SPTSSA: variants seen among roughly 807,000 people sequenced by gnomAD.
The protein encoded by SPTSSA is serine palmitoyltransferase small subunit A, also known as small subunit of serine palmitoyltransferase A.
A neutral mutation model predicts 9.1 loss-of-function variants in SPTSSA; 8 were observed. That is an observed-to-expected ratio of 0.88 (90% CI 0.51 to 1.58). The LOEUF is 1.58. Ranked by LOEUF, SPTSSA falls within the 40% of genes most tolerant of loss-of-function variation. The probability of loss-of-function intolerance (pLI) is 0.00; values close to 1 mark genes in which losing one functional copy is unlikely to be tolerated. For synonymous variants in SPTSSA, 42 were observed against 37.7 expected, an observed-to-expected ratio of 1.11 and a Z score of -0.41; for missense variants, 100 against 93.8, an observed-to-expected ratio of 1.07 and a Z score of -0.27.
chr14:34,461,063 A>G (rs1161460602), intron 1 of SPTSSA, among the ~76,000 whole-genome samples: 1 of 152,228 alleles, frequency 6.6e-6, no homozygotes, highest in East Asian at 1.9e-4. Context: ...CTGGAATGCA[A>G]CAATGCATTC....
chr14:34,450,612 A>AATC (rs1555314961), intron 1 of SPTSSA, among the ~76,000 whole-genome samples: 6 of 151,988 alleles, frequency 3.9e-5, no homozygotes, highest in Admixed American at 3.9e-4. Context: ...GAGAACAAGA[A>AATC]TAGAATACAA....
At chr14:34,443,189 C>T (rs1368617820) in intron 1 of SPTSSA, among the ~76,000 whole-genome samples, 2 of 24,346 alleles carry the variant, frequency 8.2e-5, no homozygotes, top group Non-Finnish European at 1.3e-4. Flanking sequence ...ATTGAGTTTT[C>T]CTCTAGGGGG....
At position 34,454,215 on chromosome 14, in the gene SPTSSA, A is replaced by G. The variant is rs80038982; in HGVS notation, c.112+7881T>C. Among the ~76,000 whole-genome samples the G allele has an allele frequency of 4.5e-3, 682 of 152,290 alleles. 42 individuals carry two copies. The East Asian group carries it at 0.11, about 26-fold the overall frequency. ...GAAAAAAAAATCTATCTTAGCTCCTATGTGCCATAAATGTTACAACACTCA... is the reference window on the plus strand; with the variant it reads ...GAAAAAAAAATCTATCTTAGCTCCTGTGTGCCATAAATGTTACAACACTCA... On this transcript the variant is annotated intron_variant, in intron 1 of 1. Transcript: ENST00000298130.
At chr14:34,446,212 T>C (rs1328768586) in intron 1 of SPTSSA, among the ~76,000 whole-genome samples, 1 of 152,218 alleles carries the variant, frequency 6.6e-6, no homozygotes, top group Non-Finnish European at 1.5e-5. Flanking sequence ...GTTCATGGTC[T>C]CACAACTGAG....
chr14:34,440,267 G>A (rs1883296710), intron 1 of SPTSSA, among the ~76,000 whole-genome samples: 2 of 152,150 alleles, frequency 1.3e-5, no homozygotes, highest in Non-Finnish European at 1.5e-5. Context: ...CATTATTGTG[G>A]CTGAAAAACT....
At chr14:34,439,987 T>C (rs551511933) in intron 1 of SPTSSA, among the ~76,000 whole-genome samples, 1 of 152,364 alleles carries the variant, frequency 6.6e-6, no homozygotes, top group African/African-American at 2.4e-5. Context: ...ATTTTTCCCA[T>C]TCTTACCCCA....
intron 1 of SPTSSA, among the ~76,000 whole-genome samples, chr14:34,455,597 C>T (rs1883605684): frequency 1.3e-5 from 2 of 152,048 alleles, no homozygotes; most frequent in South Asian, 4.2e-4. Flanking sequence ...TCATATTTTC[C>T]AAACTCCCAA....
At chr14:34,451,539 C>T (rs143847902) in intron 1 of SPTSSA, among the ~76,000 whole-genome samples, 3,599 of 151,852 alleles carry the variant, frequency 0.024, 76 homozygotes, top group Non-Finnish European at 0.035. Flanking sequence ...CTGGCTAACA[C>T]GGTGAAACCC....
At chr14:34,457,991 C>T (rs79857816) in intron 1 of SPTSSA, among the ~76,000 whole-genome samples, 4 of 91,138 alleles carry the variant, frequency 4.4e-5, no homozygotes, top group Non-Finnish European at 8.8e-5. Flanking sequence ...AAAAAAAAAA[C>T]AAAGAAAAGA....
chr14:34,461,164 T>C (rs1037961352), intron 1 of SPTSSA, among the ~76,000 whole-genome samples: 2 of 152,190 alleles, frequency 1.3e-5, no homozygotes, highest in African/African-American at 4.8e-5. Flanking sequence ...GAAATACCTG[T>C]TTTGTATTGG....
At chr14:34,437,380 A>G (rs1461570062) in intron 1 of SPTSSA, among the ~76,000 whole-genome samples, 1 of 152,224 alleles carries the variant, frequency 6.6e-6, no homozygotes. Context: ...TGGATGATAG[A>G]TAAGAGTGAA....
chr14:34,452,245 CAAAAAA>C (rs532756986), intron 1 of SPTSSA, among the ~76,000 whole-genome samples: 1 of 97,048 alleles, frequency 1.0e-5, no homozygotes, highest in Non-Finnish European at 2.3e-5. Context: ...GACTCAATCT[CAAAAAA>C]AAAAAAAAAA....
chr14:34,458,903 A>ACTT (rs1215957986), intron 1 of SPTSSA, among the ~76,000 whole-genome samples: 1 of 124,624 alleles, frequency 8.0e-6, no homozygotes, highest in African/African-American at 3.5e-5. Context: ...TGAAATTACA[A>ACTT]CTTTTTTTTT....
intron 1 of SPTSSA, among the ~76,000 whole-genome samples, chr14:34,442,095 C>T (rs1197282114): frequency 2.6e-5 from 4 of 152,150 alleles, no homozygotes. Context: ...AGGCTGGTCT[C>T]AAACTCCTGA....
intron 1 of SPTSSA, among the ~76,000 whole-genome samples, chr14:34,458,368 C>A (rs903385268): frequency 6.6e-6 from 1 of 152,048 alleles, no homozygotes; most frequent in Non-Finnish European, 1.5e-5. Flanking sequence ...ATTTTTAGTA[C>A]AGACTGAGTT....
intron 1 of SPTSSA, among the ~76,000 whole-genome samples, chr14:34,459,418 C>T (rs1878565455): frequency 6.8e-6 from 1 of 147,792 alleles, no homozygotes. Flanking sequence ...AAGATTGCAC[C>T]ACCACACTCC....
At chr14:34,439,430 G>A (rs1378714146) in intron 1 of SPTSSA, among the ~76,000 whole-genome samples, 1 of 151,894 alleles carries the variant, frequency 6.6e-6, no homozygotes, top group African/African-American at 2.4e-5. Flanking sequence ...TTGAACTCAG[G>A]AGTTTGAGAC....
chr14:34,451,884 A>G (rs1405745706), intron 1 of SPTSSA, among the ~76,000 whole-genome samples: 1 of 152,176 alleles, frequency 6.6e-6, no homozygotes, highest in African/African-American at 2.4e-5. Flanking sequence ...CCCTAAGTGA[A>G]AGCAGCTGCA....
rs944981149 is a variant in SPTSSA, at chr14:34,434,364, A to C, written c.*837T>G. 6.6e-6 allele frequency: 1 copy of C among 152,654 alleles called. No individual in the cohort carries two copies. The highest frequency in any genetic ancestry group is 2.4e-5 in the African/African-American group (1 of 41,464). 9.5% of individuals were successfully genotyped at this position (152,654 alleles called of 1,614,324 possible). A position where few individuals can be genotyped will look rare whatever the true frequency, so the allele number is the denominator to read the frequency against. ...AATGTGCAAATGCAGCACCCATTACAATCATTAAACTAAATTTAAGGAAGT... is the reference window on the plus strand; with the variant it reads ...AATGTGCAAATGCAGCACCCATTACCATCATTAAACTAAATTTAAGGAAGT... On this transcript the variant is annotated 3_prime_UTR_variant, in exon 2 of 2. Coordinates refer to ENST00000298130, the MANE Select transcript of SPTSSA (RefSeq NM_138288.4).
Sources: allele counts gnomAD v4.1 joint callset (sites outside exome capture counted in the v4.1 genomes callset), GRCh38; gene constraint gnomAD v4.1.1; transcripts MANE v1.5; gene names NCBI Gene and HGNC (gene_info 2026-07-23, HGNC 2026-07-21).